Variants in BAZ2B observed in about 807,000 individuals in gnomAD.
BAZ2B encodes bromodomain adjacent to zinc finger domain 2B.
Under a neutral mutation model 246.0 loss-of-function variants are expected in BAZ2B, and 91 were observed. The ratio of observed to expected loss-of-function variants is 0.37; its 90% CI spans 0.31 to 0.44. BAZ2B has a LOEUF of 0.44. Among genes scored for constraint, BAZ2B ranks in the 20% least tolerant of loss-of-function variants. BAZ2B has a pLI of 1.00. For synonymous variants in BAZ2B, 855 were observed against 860.0 expected, an observed-to-expected ratio of 0.99 and a Z score of 0.10; for missense variants, 2,332 against 2,533.7, an observed-to-expected ratio of 0.92 and a Z score of 1.71.
the BAZ2B span, among the ~76,000 whole-genome samples, chr2:159,688,619 T>C: frequency 2.6e-5 from 4 of 152,172 alleles, no homozygotes; most frequent in East Asian, 1.9e-4. Context: ...AAAAGAGTAA[T>C]ATAAAATAAA....
At chr2:159,674,944 T>C in the BAZ2B span, among the ~76,000 whole-genome samples, 1 of 152,216 alleles carries the variant, frequency 6.6e-6, no homozygotes, top group African/African-American at 2.4e-5. Flanking sequence ...GTAATAACAT[T>C]GGAGCAGCAT....
At chr2:159,592,486 T>C (rs1689625204) in intron 1 of BAZ2B, among the ~76,000 whole-genome samples, 1 of 152,214 alleles carries the variant, frequency 6.6e-6, no homozygotes, top group Non-Finnish European at 1.5e-5. Context: ...AACTGCTTGT[T>C]CTTTTTCAAG....
chr2:159,399,807 A>G (rs1401800602), intron 17 of BAZ2B, among the ~76,000 whole-genome samples: 1 of 152,146 alleles, frequency 6.6e-6, no homozygotes, highest in Non-Finnish European at 1.5e-5. Context: ...AAGTTGTAAT[A>G]AATTTAAACA....
chr2:159,332,891 G>T, intron 33 of BAZ2B: 1 of 567,876 alleles, frequency 1.8e-6, no homozygotes, highest in Non-Finnish European at 3.0e-6. Flanking sequence ...TGGGGTAAAT[G>T]CACATTTCAA....
chr2:159,412,490 A>G lies in BAZ2B; in HGVS notation c.2522T>C (p.Met841Thr), dbSNP rs1267870021. The G allele has an allele frequency of 1.2e-6, 2 of 1,614,088 alleles. No homozygotes were observed. The highest frequency in any genetic ancestry group is 1.7e-6 in the Non-Finnish European group (2 of 1,179,992). ...TGGTGGTCTTCCTCTACGACCTTCC[A>G]TTGCCCTGATACGAGGAATGACATC... The part of the protein sequence containing the change: ...EEDVIPRIRA[M>T]EGRRGRPPNP... The change falls in exon 14 of 37, where the codon ATG becomes ACG. Residue 841 changes from methionine (M) to threonine (T), a missense_variant. Met to Thr is a moderately conservative substitution (Grantham distance 81, BLOSUM62 -1). Around this residue, in one of 9 missense-constraint regions of BAZ2B, gnomAD observed 651 missense variants for 650.9 expected, o/e 1.00. Coordinates refer to ENST00000392783, the MANE Select transcript of BAZ2B (RefSeq NM_013450.4).
At chr2:159,540,327 C>G (rs1431029325) in intron 2 of BAZ2B, among the ~76,000 whole-genome samples, 1 of 152,192 alleles carries the variant, frequency 6.6e-6, no homozygotes, top group African/African-American at 2.4e-5. Context: ...AACTTTCCAT[C>G]TGATAGCTTT....
intron 2 of BAZ2B, among the ~76,000 whole-genome samples, chr2:159,514,884 C>T (rs573865924): frequency 1.5e-4 from 23 of 152,022 alleles, no homozygotes; most frequent in Non-Finnish European, 1.6e-4. Context: ...ACTTTGATAA[C>T]TTGACTAAGC....
the BAZ2B span, among the ~76,000 whole-genome samples, chr2:159,649,276 C>T: frequency 2.0e-5 from 3 of 151,894 alleles, no homozygotes; most frequent in Non-Finnish European, 4.4e-5. Context: ...TGTTTTCCTG[C>T]AACTAGATGG....
intron 1 of BAZ2B, among the ~76,000 whole-genome samples, chr2:159,578,601 C>T (rs886368928): frequency 2.0e-5 from 3 of 152,194 alleles, no homozygotes; most frequent in Non-Finnish European, 4.4e-5. Flanking sequence ...GAACTCTCCA[C>T]CCCAAATCAA....
the BAZ2B span, among the ~76,000 whole-genome samples, chr2:159,687,630 T>C: frequency 6.6e-6 from 1 of 152,244 alleles, no homozygotes; most frequent in Middle Eastern, 3.2e-3. Flanking sequence ...CTTTATCTAT[T>C]TGCGCATTTG....
chr2:159,552,467 A>C (rs1452866528), intron 2 of BAZ2B, among the ~76,000 whole-genome samples: 1 of 152,202 alleles, frequency 6.6e-6, no homozygotes, highest in Admixed American at 6.5e-5. Flanking sequence ...AAAGCTAATA[A>C]AAATTGAATT....
At chr2:159,694,879 C>T in the BAZ2B span, 1 of 152,150 alleles carries the variant, frequency 6.6e-6, no homozygotes. Flanking sequence ...TATAATTAAA[C>T]TTTTGAGGAC....
At chr2:159,521,946 A>T (rs958583623) in intron 2 of BAZ2B, among the ~76,000 whole-genome samples, 2 of 152,058 alleles carry the variant, frequency 1.3e-5, no homozygotes, top group African/African-American at 4.8e-5. Context: ...AATACATTTT[A>T]AAGTCACTTT....
intron 3 of BAZ2B, chr2:159,463,181 C>T (rs754101416): frequency 1.6e-4 from 92 of 575,118 alleles, no homozygotes; most frequent in African/African-American, 1.1e-3. Flanking sequence ...AATTCTCCTG[C>T]GGGTGCATGA....
chr2:159,684,248 C>T, the BAZ2B span, among the ~76,000 whole-genome samples: 1 of 152,202 alleles, frequency 6.6e-6, no homozygotes, highest in Non-Finnish European at 1.5e-5. Context: ...GGGTTTTTGA[C>T]AAGCATGAAT....
the BAZ2B span, among the ~76,000 whole-genome samples, chr2:159,686,138 TGCCTGTA>T: frequency 3.9e-5 from 6 of 152,052 alleles, no homozygotes; most frequent in Admixed American, 3.9e-4. Flanking sequence ...TAGTGGCATG[TGCCTGTA>T]GTCCCAGCTA....
At chr2:159,488,171 C>T (rs1382281000) in intron 2 of BAZ2B, among the ~76,000 whole-genome samples, 1 of 152,052 alleles carries the variant, frequency 6.6e-6, no homozygotes, top group African/African-American at 2.4e-5. Flanking sequence ...CTCCTGGGTT[C>T]CAGTAATTCT....
the BAZ2B span, among the ~76,000 whole-genome samples, chr2:159,692,010 A>AT: frequency 6.6e-6 from 1 of 152,232 alleles, no homozygotes; most frequent in African/African-American, 2.4e-5. Context: ...GAATGATGCC[A>AT]TGTATGATCT....
chr2:159,399,046 TTA>T, intron 17 of BAZ2B, 152 bp from the exon 18 acceptor site: 1 of 578,564 alleles, frequency 1.7e-6, no homozygotes. Flanking sequence ...CCAGTTAACA[TTA>T]TGTTTAACGT....
Sources: allele counts gnomAD v4.1 joint callset (sites outside exome capture counted in the v4.1 genomes callset), GRCh38; gene constraint gnomAD v4.1.1; regional missense constraint gnomAD v4.1.1; transcripts MANE v1.5; gene names NCBI Gene and HGNC (gene_info 2026-07-23, HGNC 2026-07-21).